Variants in PCDH15 observed in about 807,000 individuals in gnomAD.
PCDH15 encodes the protein protocadherin-15.
A neutral mutation model predicts 178.5 loss-of-function variants in PCDH15; 129 were observed. The observed-to-expected ratio is 0.72, with a 90% CI of 0.63 to 0.84. The LOEUF (loss-of-function observed/expected upper bound fraction) is 0.84. Ranked by LOEUF, PCDH15 falls within the 40% of genes least tolerant of loss-of-function variation. The pLI, the probability that PCDH15 is intolerant of heterozygous loss-of-function variation, is 0.00. For missense variants in PCDH15, 2,230 were observed against 2,099.9 expected, an observed-to-expected ratio of 1.06 and a Z score of -1.21; for synonymous variants, 800 against 732.0, an observed-to-expected ratio of 1.09 and a Z score of -1.50.
At chr10:55,294,858 C>A in intron 1 of PCDH15, among the ~76,000 whole-genome samples, 1 of 152,266 alleles carries the variant, frequency 6.6e-6, no homozygotes, top group Admixed American at 6.5e-5. Flanking sequence ...TAGCTTAGAA[C>A]TTTAAGTGGC....
intron 26 of PCDH15, among the ~76,000 whole-genome samples, chr10:53,884,224 A>C (rs1229807220): frequency 6.6e-6 from 1 of 152,188 alleles, no homozygotes; most frequent in African/African-American, 2.4e-5. Context: ...TTTTGTACTG[A>C]AAAGGAGTAA....
At chr10:55,381,136 G>T (rs1412574433) in intron 2 of PCDH15, among the ~76,000 whole-genome samples, 2 of 152,080 alleles carry the variant, frequency 1.3e-5, no homozygotes, top group African/African-American at 4.8e-5. Flanking sequence ...CTCCAGGCAG[G>T]AGCAGAAAAG....
chr10:54,879,450 A>C (rs955040880), intron 3 of PCDH15, among the ~76,000 whole-genome samples: 1 of 152,054 alleles, frequency 6.6e-6, no homozygotes, highest in Non-Finnish European at 1.5e-5. Flanking sequence ...TTTAAATGAT[A>C]CTTAGAAATT....
chr10:54,863,125 TATAG>T (rs1284640658), intron 3 of PCDH15, among the ~76,000 whole-genome samples: 2 of 152,212 alleles, frequency 1.3e-5, no homozygotes, highest in Non-Finnish European at 2.9e-5. Flanking sequence ...TTTAACCTTT[TATAG>T]ATAGTTTAAG....
chr10:54,346,338 T>G, intron 6 of PCDH15, 27 bp downstream of exon 6: 3 of 1,606,696 alleles, frequency 1.9e-6, no homozygotes, highest in Non-Finnish European at 2.6e-6. Flanking sequence ...TTTAAGAAAA[T>G]TACATTGCAA....
At chr10:54,178,901 T>C (rs1220720861) in intron 13 of PCDH15, among the ~76,000 whole-genome samples, 1 of 151,974 alleles carries the variant, frequency 6.6e-6, no homozygotes, top group Non-Finnish European at 1.5e-5. Context: ...TGGCAATCAT[T>C]AAAAAGTCAG....
In PCDH15 at chr10:55,344,344, C is replaced by A. The variant is rs1485278599; in HGVS notation, c.-155-177693G>T. Among the ~76,000 whole-genome samples the A allele has an allele frequency of 2.6e-5, 4 of 152,138 alleles. No individual in the cohort carries two copies. In the South Asian group the frequency reaches 6.2e-4, roughly 24 times the overall value. The stretch of plus-strand genomic sequence containing the variant: ...TTTGGATTTTGGTTTGAAGAGATTT[C>A]TATTCTAGCTACTATTTTATGAATA... On this transcript the variant is annotated intron_variant, in intron 2 of 5. Transcript: ENST00000613346.
chr10:53,974,518 CAT>C (rs2090031785), intron 21 of PCDH15, among the ~76,000 whole-genome samples: 1 of 152,002 alleles, frequency 6.6e-6, no homozygotes, highest in Non-Finnish European at 1.5e-5. Context: ...TCATCATGCT[CAT>C]ATGTTTTATT....
chr10:54,834,393 G>C (rs1354699591), intron 3 of PCDH15, among the ~76,000 whole-genome samples: 1 of 151,872 alleles, frequency 6.6e-6, no homozygotes, highest in Non-Finnish European at 1.5e-5. Flanking sequence ...TGGTCAGGCT[G>C]GTCTCGAACT....
chr10:54,447,031 C>T (rs1221759046), intron 3 of PCDH15, among the ~76,000 whole-genome samples: 4 of 151,598 alleles, frequency 2.6e-5, no homozygotes, highest in Non-Finnish European at 4.4e-5. Flanking sequence ...TACTCTCTGG[C>T]TGCAAACAAA....
At chr10:54,536,948 G>T (rs183970478) in intron 2 of PCDH15, among the ~76,000 whole-genome samples, 1 of 149,772 alleles carries the variant, frequency 6.7e-6, no homozygotes, top group Admixed American at 6.7e-5. Context: ...GAATAGTACT[G>T]CAATGAACAT....
chr10:54,748,483 G>A (rs2384530), intron 1 of PCDH15, among the ~76,000 whole-genome samples: 149,070 of 152,258 alleles, frequency 0.98, 73,010 homozygotes, highest in East Asian at 1. Context: ...TGATTTTTTT[G>A]AAAAAGCTCA....
chr10:54,839,257 T>C (rs1953374565), intron 3 of PCDH15, among the ~76,000 whole-genome samples: 1 of 151,912 alleles, frequency 6.6e-6, no homozygotes, highest in South Asian at 2.1e-4. Context: ...GATAAATAGT[T>C]AAACAAAATC....
At chr10:54,528,372 A>G in intron 2 of PCDH15, 1 of 1,569,232 alleles carries the variant, frequency 6.4e-7, no homozygotes, top group South Asian at 1.2e-5. Context: ...TGGGGTTTTT[A>G]TTTTTGTCAT....
intron 4 of PCDH15, among the ~76,000 whole-genome samples, chr10:54,369,501 A>G (rs1947325758): frequency 1.3e-5 from 2 of 152,050 alleles, no homozygotes; most frequent in Non-Finnish European, 2.9e-5. Context: ...TTATGCTCAC[A>G]GTTAGTGGAT....
chr10:54,574,709 A>C (rs536878665), intron 2 of PCDH15, among the ~76,000 whole-genome samples: 344 of 150,414 alleles, frequency 2.3e-3, no homozygotes, highest in African/African-American at 7.3e-3. Flanking sequence ...GTGGGACTGT[A>C]AACTAGTTCA....
Position 54,660,410 on chromosome 10 carries a change from A to G in PCDH15, c.91+3762T>C, listed in dbSNP as rs570149137. On this transcript the variant is annotated intron_variant, in intron 2 of 37. Transcript: ENST00000644397. Reference sequence around the variant, plus strand: ...GAAACATATAACCAGCCAAGATTGAACCAGGAGGAAATTGAAATCCTGAAG... The same window carrying G: ...GAAACATATAACCAGCCAAGATTGAGCCAGGAGGAAATTGAAATCCTGAAG... 7.2e-5 allele frequency among the ~76,000 whole-genome samples: 11 copies of G among 152,242 alleles called. No individual in the cohort carries two copies. The South Asian group carries it at 2.1e-3, about 29-fold the overall frequency.
rs567935816 is a variant in PCDH15 at position 53,899,144 on chromosome 10, G to GC, written c.3501+4098_3501+4099insG. Among the ~76,000 whole-genome samples, 35 of 125,454 alleles carry GC rather than the reference G, an allele frequency of 2.8e-4. No homozygotes were observed. The South Asian group carries it at 4.7e-3, about 17-fold the overall frequency. The allele number at this position is 125,454 out of a possible 152,430, so 82.3% of individuals were successfully genotyped here. A position where few individuals can be genotyped will look rare whatever the true frequency, so the allele number is the denominator to read the frequency against. Reference sequence around the variant, plus strand: ...GTTTTTATTTATTTACTTTTTTTCGGGGGGGGGTGGTCTAGTTTACTAGAA... The same window carrying GC: ...GTTTTTATTTATTTACTTTTTTTCGGCGGGGGGGTGGTCTAGTTTACTAGAA... On this transcript the variant is annotated intron_variant, in intron 26 of 37. Coordinates refer to ENST00000644397, the MANE Select transcript of PCDH15 (RefSeq NM_001384140.1).
At chr10:55,139,084 C>CAT (rs898360567) in intron 2 of PCDH15, among the ~76,000 whole-genome samples, 1 of 151,852 alleles carries the variant, frequency 6.6e-6, no homozygotes. Context: ...TAATGTTGAA[C>CAT]ATGTTTTCAA....
Sources: allele counts gnomAD v4.1 joint callset (sites outside exome capture counted in the v4.1 genomes callset), GRCh38; gene constraint gnomAD v4.1.1; transcripts MANE v1.5; gene names NCBI Gene and HGNC (gene_info 2026-07-23, HGNC 2026-07-21).